Variants in TBC1D22A observed in about 807,000 individuals in gnomAD.
TBC1D22A encodes the protein TBC1 domain family member 22A.
Under a neutral mutation model 60.2 loss-of-function variants are expected in TBC1D22A, and 38 were observed. The ratio of observed to expected loss-of-function variants is 0.63; its 90% CI spans 0.49 to 0.83. The LOEUF is 0.83. TBC1D22A is among the 40% of genes least tolerant of loss of function. The pLI, the probability that TBC1D22A is intolerant of heterozygous loss-of-function variation, is 0.00. For missense variants in TBC1D22A, 628 were observed against 701.0 expected, an observed-to-expected ratio of 0.90 and a Z score of 1.18; for synonymous variants, 302 against 281.7, an observed-to-expected ratio of 1.07 and a Z score of -0.72.
intron 11 of TBC1D22A, among the ~76,000 whole-genome samples, chr22:47,110,781 G>C (rs756360073): frequency 1.2e-4 from 19 of 152,222 alleles, no homozygotes; most frequent in Non-Finnish European, 2.6e-4. Flanking sequence ...CTTTGCAGTT[G>C]GCCGTGCGTG....
At chr22:46,991,912 T>G (rs76373840) in intron 9 of TBC1D22A, among the ~76,000 whole-genome samples, 1 of 152,162 alleles carries the variant, frequency 6.6e-6, no homozygotes, top group Non-Finnish European at 1.5e-5. Context: ...CTGAACCCTC[T>G]CTCTCATCTC....
At chr22:46,854,503 C>T (rs1457646520) in intron 4 of TBC1D22A, among the ~76,000 whole-genome samples, 4 of 152,186 alleles carry the variant, frequency 2.6e-5, no homozygotes, top group African/African-American at 9.7e-5. Flanking sequence ...TTTGGCCTTT[C>T]TTTTTCCCCA....
intron 8 of TBC1D22A, chr22:46,915,839 A>G (rs1237931891): frequency 2.2e-6 from 1 of 456,194 alleles, no homozygotes; most frequent in African/African-American, 2.0e-5. Flanking sequence ...GGAGTGTGGC[A>G]TTGGTCCTGA....
At chr22:46,900,214 C>T (rs2068912786) in intron 7 of TBC1D22A, among the ~76,000 whole-genome samples, 1 of 150,008 alleles carries the variant, frequency 6.7e-6, no homozygotes, top group Non-Finnish European at 1.5e-5. Context: ...TGCAGTGGTG[C>T]GATCTCGGCT....
intron 11 of TBC1D22A, among the ~76,000 whole-genome samples, chr22:47,051,816 G>T (rs1005225830): frequency 4.6e-5 from 7 of 152,232 alleles, no homozygotes; most frequent in African/African-American, 1.7e-4. Context: ...GAGTGGAGAA[G>T]ACTCCTTCTC....
chr22:46,911,474 C>G (rs2147779311), intron 7 of TBC1D22A, among the ~76,000 whole-genome samples: 1 of 152,288 alleles, frequency 6.6e-6, no homozygotes, highest in East Asian at 1.9e-4. Flanking sequence ...ACTGATAGGT[C>G]AGGTGCTGCT....
intron 8 of TBC1D22A, among the ~76,000 whole-genome samples, chr22:46,970,216 C>G (rs758951962): frequency 6.6e-6 from 1 of 152,140 alleles, no homozygotes; most frequent in East Asian, 1.9e-4. Flanking sequence ...AGAGCCGCCC[C>G]CTGCCTGACC....
chr22:47,001,323 A>C (rs1410247263), intron 10 of TBC1D22A, among the ~76,000 whole-genome samples: 2 of 140,998 alleles, frequency 1.4e-5, no homozygotes, highest in East Asian at 4.0e-4. Context: ...TTTTTTAATA[A>C]CTCCAAACAC....
intron 8 of TBC1D22A, among the ~76,000 whole-genome samples, chr22:46,942,030 A>ATG (rs1306180196): frequency 6.9e-6 from 1 of 145,914 alleles, no homozygotes; most frequent in Non-Finnish European, 1.5e-5. Context: ...TATATATTAT[A>ATG]TATATATATA....
At chr22:46,881,019 A>G (rs2067823679) in intron 5 of TBC1D22A, among the ~76,000 whole-genome samples, 2 of 152,036 alleles carry the variant, frequency 1.3e-5, no homozygotes, top group African/African-American at 4.8e-5. Context: ...TCTCTCTGCT[A>G]GTGGGAAGTG....
At chr22:46,946,242 G>C (rs1199445028) in intron 8 of TBC1D22A, among the ~76,000 whole-genome samples, 1 of 152,230 alleles carries the variant, frequency 6.6e-6, no homozygotes, top group African/African-American at 2.4e-5. Flanking sequence ...GCTTGGGCCT[G>C]TGTGGCTGAA....
intron 12 of TBC1D22A, among the ~76,000 whole-genome samples, chr22:47,158,153 C>T (rs1271010460): frequency 6.6e-6 from 1 of 152,234 alleles, no homozygotes; most frequent in Non-Finnish European, 1.5e-5. Context: ...GTGGGTTCTG[C>T]ACCCAGCCCC....
chr22:47,111,634 GTT>G, intron 12 of TBC1D22A, 31 bp downstream of exon 12: 4 of 1,590,636 alleles, frequency 2.5e-6, no homozygotes, highest in Non-Finnish European at 3.4e-6. Flanking sequence ...AAGAACCCAA[GTT>G]TGATTTTCTA....
At chr22:47,072,717 C>T (rs902162065) in intron 11 of TBC1D22A, among the ~76,000 whole-genome samples, 5 of 152,232 alleles carry the variant, frequency 3.3e-5, no homozygotes, top group African/African-American at 9.6e-5. Flanking sequence ...CACCCCGATC[C>T]GATTTACTTG....
intron 4 of TBC1D22A, among the ~76,000 whole-genome samples, chr22:46,805,834 C>T (rs2085105440): frequency 7.2e-6 from 1 of 139,422 alleles, no homozygotes; most frequent in South Asian, 2.7e-4. Context: ...GTCTTTCTGT[C>T]CTTCTTCTTC....
chr22:46,894,118 C>T (rs1367801715), intron 6 of TBC1D22A, among the ~76,000 whole-genome samples: 6 of 152,194 alleles, frequency 3.9e-5, no homozygotes, highest in African/African-American at 4.8e-5. Context: ...CCTGGATAAA[C>T]GGGAGCGTGG....
At chr22:46,784,459 C>A (rs1192566586) in intron 1 of TBC1D22A, among the ~76,000 whole-genome samples, 1 of 152,162 alleles carries the variant, frequency 6.6e-6, no homozygotes, top group African/African-American at 2.4e-5. Context: ...TTGTAGTCTG[C>A]TTTTCTTTTT....
intron 8 of TBC1D22A, among the ~76,000 whole-genome samples, chr22:46,941,581 G>GGGAATATATATACGGAATATATATACGC (rs2072097092): frequency 8.7e-6 from 1 of 114,718 alleles, no homozygotes; most frequent in African/African-American, 3.5e-5. Context: ...TATATATACA[G>GGGAATATATATACGGAATATATATACGC]GGAATATATA....
At chr22:47,096,904 C>T (rs1242827061) in intron 11 of TBC1D22A, among the ~76,000 whole-genome samples, 1 of 152,222 alleles carries the variant, frequency 6.6e-6, no homozygotes, top group African/African-American at 2.4e-5. Context: ...TTCTCCCCCA[C>T]CCTCAGTTCG....
Sources: gnomAD v4.1 joint callset for allele counts (sites outside exome capture counted in the v4.1 genomes callset) on GRCh38, gnomAD v4.1.1 for gene constraint, MANE v1.5 for transcripts, NCBI Gene and HGNC (gene_info 2026-07-23, HGNC 2026-07-21) for gene names.